The following OOSP4B variants were observed in gnomAD, a reference collection of about 807,000 sequenced individuals.
OOSP4B encodes the protein oocyte secreted protein family member 4B.
At chr11:60,025,161 G>A (rs190130364) in intron 3 of OOSP4B, among the ~76,000 whole-genome samples, 156 bp downstream of exon 3, 20 of 152,260 alleles carry the variant, frequency 1.3e-4, no homozygotes, top group Non-Finnish European at 1.6e-4. Context: ...CAAATGTACA[G>A]AATTGAAGGA....
intron 1 of OOSP4B, among the ~76,000 whole-genome samples, chr11:60,019,220 C>T (rs562793089): frequency 6.6e-6 from 1 of 150,810 alleles, no homozygotes; most frequent in East Asian, 1.9e-4. Context: ...GAGACTCTTT[C>T]TCAGAAAAAA....
intron 1 of OOSP4B, among the ~76,000 whole-genome samples, chr11:60,021,231 T>A (rs1183265577): frequency 1.3e-5 from 2 of 152,154 alleles, no homozygotes; most frequent in Non-Finnish European, 2.9e-5. Context: ...ACCGAGTCAA[T>A]AGGTTAGAGA....
At chr11:60,022,945 G>T (rs1854709117) in intron 1 of OOSP4B, among the ~76,000 whole-genome samples, 1 of 152,104 alleles carries the variant, frequency 6.6e-6, no homozygotes, top group Non-Finnish European at 1.5e-5. Flanking sequence ...AGGATGGATG[G>T]ATGGAGATCT....
intron 3 of OOSP4B, among the ~76,000 whole-genome samples, chr11:60,028,799 C>T (rs1854772974): frequency 6.6e-6 from 1 of 152,192 alleles, no homozygotes; most frequent in Admixed American, 6.5e-5. Context: ...TTGGCCAACA[C>T]TGAGCATAGA....
At chr11:60,018,733 C>T (rs906337097) in intron 1 of OOSP4B, among the ~76,000 whole-genome samples, 1 of 152,174 alleles carries the variant, frequency 6.6e-6, no homozygotes, top group African/African-American at 2.4e-5. Flanking sequence ...CTCTGTTACA[C>T]CTGAGTTTGT....
At chr11:60,030,419 G>A (rs1854795316) in intron 4 of OOSP4B, among the ~76,000 whole-genome samples, 1 of 152,090 alleles carries the variant, frequency 6.6e-6, no homozygotes, top group Non-Finnish European at 1.5e-5. Flanking sequence ...TTTCTACTGA[G>A]CTTATTTTAA....
intron 1 of OOSP4B, among the ~76,000 whole-genome samples, chr11:60,018,968 G>A (rs1489450292): frequency 5.3e-5 from 8 of 152,064 alleles, no homozygotes; most frequent in African/African-American, 9.7e-5. Context: ...TGTAATCTCA[G>A]CACTATGGGA....
chr11:60,025,016 C>T lies in OOSP4B; in HGVS notation c.302+11C>T, dbSNP rs2134626585. The T allele has an allele frequency of 2.5e-6, 1 of 398,226 alleles. No homozygotes were observed. Among genetic ancestry groups the T allele is most frequent in the Non-Finnish European group, 4.4e-6 (1 of 225,884 alleles). 24.7% of individuals were successfully genotyped at this position (398,226 alleles called of 1,614,324 possible). ...TTGCTTTGTGAAGAGGTATGAGTAG[C>T]TACTTCTCTTACACATTCTTAAATT... On this transcript the variant is annotated intron_variant, in intron 3 of 4. Coordinates refer to ENST00000642343, the Ensembl canonical transcript of OOSP4B.
chr11:60,021,827 T>C (rs996660307), intron 1 of OOSP4B, among the ~76,000 whole-genome samples: 1 of 151,864 alleles, frequency 6.6e-6, no homozygotes, highest in Non-Finnish European at 1.5e-5. Flanking sequence ...CTGCTAAAAA[T>C]ACAAAAAGTA....
chr11:60,026,604 A>G (rs1854748261), intron 3 of OOSP4B, among the ~76,000 whole-genome samples: 1 of 152,180 alleles, frequency 6.6e-6, no homozygotes, highest in African/African-American at 2.4e-5. Context: ...AGGGTGGAAA[A>G]GGTCAGACAA....
chr11:60,025,772 A>G (rs1180565498), intron 3 of OOSP4B, among the ~76,000 whole-genome samples: 1 of 152,158 alleles, frequency 6.6e-6, no homozygotes, highest in Non-Finnish European at 1.5e-5. Flanking sequence ...TAAGAATGGG[A>G]CTGCTTGATC....
At chr11:60,024,947 A>G (rs928850345) in exon 3 of OOSP4B, 3 of 398,394 alleles carry the variant, frequency 7.5e-6, no homozygotes, top group African/African-American at 4.1e-5. Context: ...ATCAGAGATC[A>G]GTTACAAACC....
At chr11:60,021,615 G>C (rs1854691134) in intron 1 of OOSP4B, 2 of 152,192 alleles carry the variant, frequency 1.3e-5, no homozygotes, top group African/African-American at 4.8e-5. Context: ...TTAATGGTTT[G>C]AGCATTTAAT....
chr11:60,017,615 GA>G (rs1854640954), intron 1 of OOSP4B, among the ~76,000 whole-genome samples: 1 of 151,896 alleles, frequency 6.6e-6, no homozygotes, highest in Non-Finnish European at 1.5e-5. Flanking sequence ...ACTCAGTTAA[GA>G]AAAAATTACT....
intron 3 of OOSP4B, among the ~76,000 whole-genome samples, chr11:60,027,737 C>T (rs1051925783): frequency 3.4e-5 from 5 of 145,530 alleles, no homozygotes; most frequent in African/African-American, 5.0e-5. Flanking sequence ...GCTAGGAGTT[C>T]GAAACCAGCC....
At chr11:60,020,012 A>C (rs1026091307) in intron 1 of OOSP4B, among the ~76,000 whole-genome samples, 1 of 152,198 alleles carries the variant, frequency 6.6e-6, no homozygotes, top group African/African-American at 2.4e-5. Flanking sequence ...TCCCCACCAG[A>C]GTAGCTAGAT....
chr11:60,022,285 GA>G lies in OOSP4B; in HGVS notation c.23-1594del, dbSNP rs1854698902. The G allele has an allele frequency of 2.6e-5, 4 of 152,194 alleles. 1 individual carries two copies. The highest frequency in any genetic ancestry group is 2.6e-4 in the Admixed American group (4 of 15,276). The allele number at this position is 152,194 out of a possible 1,614,324, so 9.4% of individuals were successfully genotyped here. On this transcript the variant is annotated intron_variant, in intron 1 of 4. Coordinates refer to ENST00000642343, the Ensembl canonical transcript of OOSP4B. Reference sequence around the variant, plus strand: ...TCCCGTTTCGACATGGACCAAGAAGGACATTGTACCATAGTCCTGCTGCTAT... The same window carrying G: ...TCCCGTTTCGACATGGACCAAGAAGGCATTGTACCATAGTCCTGCTGCTAT...
At chr11:60,025,708 A>G (rs979082172) in intron 3 of OOSP4B, among the ~76,000 whole-genome samples, 1 of 152,238 alleles carries the variant, frequency 6.6e-6, no homozygotes, top group African/African-American at 2.4e-5. Flanking sequence ...TAAATATGCT[A>G]TCACCATATG....
chr11:60,021,680 G>C (rs965952472), intron 1 of OOSP4B: 4 of 152,164 alleles, frequency 2.6e-5, no homozygotes, highest in Non-Finnish European at 5.9e-5. Flanking sequence ...TTCTTTGTTA[G>C]ACTCAATAAC....
Sources: gnomAD v4.1 joint callset for allele counts (sites outside exome capture counted in the v4.1 genomes callset) on GRCh38, gnomAD v4.1.1 for gene constraint, MANE v1.5 for transcripts, NCBI Gene and HGNC (gene_info 2026-07-23, HGNC 2026-07-21) for gene names.